Variants in NWD1 observed in about 807,000 individuals in gnomAD.
NWD1 encodes the protein NACHT domain- and WD repeat-containing protein 1.
A neutral mutation model predicts 135.1 loss-of-function variants in NWD1; 129 were observed. That is an observed-to-expected ratio of 0.96 (90% CI 0.83 to 1.11). The LOEUF is 1.11. Ranked by LOEUF, NWD1 falls within the 50% of genes least tolerant of loss-of-function variation. The probability of loss-of-function intolerance (pLI) is 0.00; values close to 1 mark genes in which losing one functional copy is unlikely to be tolerated. For missense variants in NWD1, 1,740 were observed against 1,851.3 expected (o/e 0.94, Z 1.10); for synonymous variants, 773 against 786.0 (o/e 0.98, Z 0.28).
chr19:16,764,082 A>G, intron 9 of NWD1, 137 bp downstream of exon 9: 1 of 610,364 alleles, frequency 1.6e-6, no homozygotes. Flanking sequence ...ACAAGGGGCA[A>G]TTCTACACCC....
Position 16,807,906 on chromosome 19 carries a change from A to G in NWD1, c.4057A>G (p.Ser1353Gly). The change falls in exon 18 of 19, where the codon AGC becomes GGC. Residue 1353 changes from serine (S) to glycine (G), a missense_variant. By Grantham distance (56) the Ser-to-Gly change is moderately conservative. Transcript: ENST00000524140. ...CACTCAGCTGCCCGAGACCCTCTCC[A>G]GCGTGGCCATTCTGACGGACTACCG... ...FYTQLPETLS[S>G]VAILTDYRVV... 6.2e-7 allele frequency: 1 copy of G among 1,614,160 alleles called. No homozygotes were observed. Among genetic ancestry groups the G allele is most frequent in the Non-Finnish European group, 8.5e-7 (1 of 1,180,038 alleles).
At position 16,773,129 on chromosome 19, in the gene NWD1, G is replaced by GGA. The variant is rs1969472551; in HGVS notation, c.2416_2417dup (p.Ser806ArgfsTer80). The stretch of plus-strand genomic sequence containing the variant: ...AGTCTACATCCCTTTGTTGCAGAGA[G>GGA]GAGCCTCCTGTACACAGAACTGCTG... On this transcript the variant is annotated frameshift_variant, in exon 11 of 19. Coordinates refer to ENST00000524140, the MANE Select transcript of NWD1 (RefSeq NM_001007525.5). LOFTEE classifies it high-confidence loss of function. 6.2e-7 allele frequency: 1 copy of GGA among 1,613,700 alleles called. No individual in the cohort carries two copies. The highest frequency in any genetic ancestry group is 1.7e-5 in the Admixed American group (1 of 59,990).
intron 12 of NWD1, among the ~76,000 whole-genome samples, chr19:16,783,974 G>A (rs1375582981): frequency 6.6e-6 from 1 of 152,092 alleles, no homozygotes; most frequent in Non-Finnish European, 1.5e-5. Flanking sequence ...CACTTCGGGA[G>A]GCCGCGGATC....
In NWD1 at chr19:16,791,637, T is replaced by C; in HGVS notation, c.3213+15T>C. On this transcript the variant is annotated intron_variant, in intron 14 of 18. Transcript: ENST00000524140. The stretch of plus-strand genomic sequence containing the variant: ...CCATCTCTTTGGTAAGCACCTTTAC[T>C]GACTATGATGTGAACATTAACTCAG... 1 of 1,612,004 alleles carries C rather than the reference T, an allele frequency of 6.2e-7. No individual in the cohort carries two copies. Among genetic ancestry groups the C allele is most frequent in the Non-Finnish European group, 8.5e-7 (1 of 1,178,284 alleles).
At chr19:16,765,280 T>C (rs1387173947) in intron 10 of NWD1, 88 bp downstream of exon 10, 1 of 1,256,356 alleles carries the variant, frequency 8.0e-7, no homozygotes, top group Non-Finnish European at 1.1e-6. Flanking sequence ...GAGCTGGATT[T>C]TCATCAATTC....
intron 11 of NWD1, among the ~76,000 whole-genome samples, chr19:16,776,080 A>G (rs921965262): frequency 2.6e-5 from 4 of 152,216 alleles, no homozygotes; most frequent in African/African-American, 9.6e-5. Flanking sequence ...CAAATCGCAC[A>G]TAGTGCTGTG....
intron 6 of NWD1, among the ~76,000 whole-genome samples, chr19:16,753,898 G>A (rs1305186025): frequency 1.6e-5 from 2 of 127,858 alleles, no homozygotes; most frequent in East Asian, 4.9e-4. Flanking sequence ...TCCATCCATT[G>A]TCTCTATCTT....
At chr19:16,747,986 G>A (rs1599458256) in intron 5 of NWD1, among the ~76,000 whole-genome samples, 3 of 151,924 alleles carry the variant, frequency 2.0e-5, no homozygotes, top group Admixed American at 2.0e-4. Context: ...TGTTTGTTTT[G>A]ATTTGTTTTG....
At chr19:16,729,271 G>A (rs1287950159) in intron 2 of NWD1, among the ~76,000 whole-genome samples, 3 of 152,044 alleles carry the variant, frequency 2.0e-5, no homozygotes, top group Non-Finnish European at 4.4e-5. Flanking sequence ...ACCGGACCCT[G>A]CTCACCTCCC....
intron 3 of NWD1, among the ~76,000 whole-genome samples, chr19:16,735,127 G>A (rs913231542): frequency 6.6e-6 from 1 of 152,020 alleles, no homozygotes; most frequent in Non-Finnish European, 1.5e-5. Context: ...TGGACAGTAC[G>A]GAGTTCCCAT....
intron 17 of NWD1, among the ~76,000 whole-genome samples, chr19:16,802,995 G>A (rs983802585): frequency 2.0e-5 from 3 of 151,534 alleles, no homozygotes; most frequent in African/African-American, 7.3e-5. Context: ...AATTTGTAAA[G>A]GAAAGAGGTT....
In NWD1 at chr19:16,773,242, C is replaced by T. The variant is rs1338352583; in HGVS notation, c.2527C>T (p.His843Tyr). The T allele has an allele frequency of 2.5e-6, 4 of 1,613,638 alleles. No individual in the cohort carries two copies. In the African/African-American group the frequency reaches 4.0e-5, roughly 16 times the overall value. The change falls in exon 11 of 19, where the codon CAC becomes TAC. Residue 843 changes from histidine (H) to tyrosine (Y), a missense_variant. Physicochemically the swap from His to Tyr is moderately conservative, Grantham distance 83. Coordinates refer to ENST00000524140, the MANE Select transcript of NWD1 (RefSeq NM_001007525.5). ...CCAGAGCTGGTTCCAGTTGTGCGCA[C>T]ACCCTGTGCTGGTGCCCCTCGGAGG... ...QAQSWFQLCA[H>Y]PVLVPLGGFL...
chr19:16,752,943 A>ACCT (rs1968638086), intron 6 of NWD1, among the ~76,000 whole-genome samples: 1 of 152,154 alleles, frequency 6.6e-6, no homozygotes, highest in Non-Finnish European at 1.5e-5. Context: ...GGCTGCAGTG[A>ACCT]GCTGTGATCA....
Position 16,815,578 on chromosome 19 carries a change from G to A in NWD1, c.*539G>A. Reference sequence around the variant, plus strand: ...TATGCTGCTGTCTCCAATTTCAATAGAAAAGAGAGCTTCTCTTTCCCAACA... The same window carrying A: ...TATGCTGCTGTCTCCAATTTCAATAAAAAAGAGAGCTTCTCTTTCCCAACA... On this transcript the variant is annotated 3_prime_UTR_variant, in exon 19 of 19. Coordinates refer to ENST00000524140, the MANE Select transcript of NWD1 (RefSeq NM_001007525.5). 2.2e-6 allele frequency: 1 copy of A among 453,154 alleles called. No homozygotes were observed. The highest frequency in any genetic ancestry group is 3.9e-6 in the Non-Finnish European group (1 of 253,708). The allele number at this position is 453,154 out of a possible 1,614,324, so 28.1% of individuals were successfully genotyped here. A position where few individuals can be genotyped will look rare whatever the true frequency, so the allele number is the denominator to read the frequency against.
chr19:16,762,296 C>CTTTTT (rs1305927861), intron 8 of NWD1, among the ~76,000 whole-genome samples, 158 bp downstream of exon 8: 2 of 106,718 alleles, frequency 1.9e-5, no homozygotes, highest in African/African-American at 4.4e-5. Context: ...CCCCCCCACT[C>CTTTTT]CTTTTTTTTT....
intron 17 of NWD1, among the ~76,000 whole-genome samples, chr19:16,804,746 T>C (rs1218903538): frequency 1.3e-5 from 2 of 152,040 alleles, no homozygotes; most frequent in Non-Finnish European, 2.9e-5. Flanking sequence ...GTCCTCTTTC[T>C]GGGTCATGGA....
rs193297791 is a variant in NWD1, at chr19:16,798,467, C to G, written c.3459+581C>G. ...TCTACAAAAAAACACAAAAATTAGC[C>G]GGGCGTCATGGCATGTGCCTGTAGT... is the stretch of plus-strand genomic sequence containing the variant. On this transcript the variant is annotated intron_variant, in intron 16 of 18. Transcript: ENST00000524140. Among the ~76,000 whole-genome samples the G allele has an allele frequency of 4.2e-4, 64 of 152,058 alleles. No homozygotes were observed. The East Asian group carries it at 0.012, about 29-fold the overall frequency.
chr19:16,763,695 G>T, intron 8 of NWD1, 133 bp from the exon 9 acceptor site: 1 of 663,600 alleles, frequency 1.5e-6, no homozygotes, highest in Non-Finnish European at 2.8e-6. Flanking sequence ...GGGCACATGG[G>T]GGTATGTCTG....
chr19:16,778,508 TGTTG>T (rs1345504537), intron 11 of NWD1, among the ~76,000 whole-genome samples: 3,416 of 120,694 alleles, frequency 0.028, 174 homozygotes, highest in African/African-American at 0.098. Context: ...TTTTTTTTTT[TGTTG>T]TTGTTGTTGT....
Sources: gnomAD v4.1 joint callset for allele counts (sites outside exome capture counted in the v4.1 genomes callset) on GRCh38, gnomAD v4.1.1 for gene constraint, MANE v1.5 for transcripts, NCBI Gene and HGNC (gene_info 2026-07-23, HGNC 2026-07-21) for gene names.